Variants in ADNP observed in about 807,000 individuals in gnomAD.
ADNP encodes the protein activity dependent neuroprotector homeobox, also known as activity-dependent neuroprotector homeobox protein.
Under a neutral mutation model 84.9 loss-of-function variants are expected in ADNP, and 4 were observed. The observed-to-expected ratio is 0.05, with a 90% CI of 0.02 to 0.11. The LOEUF is 0.11. Ranked by LOEUF, ADNP falls within the 10% of genes least tolerant of loss-of-function variation. ADNP has a pLI of 1.00. For missense variants in ADNP, 1,132 were observed against 1,326.0 expected (o/e 0.85, Z 2.27); for synonymous variants, 554 against 468.1 (o/e 1.18, Z -2.37).
At position 50,889,593 on chromosome 20, in the gene ADNP, AG is replaced by A. The variant is rs1980440994; in HGVS notation, c.*1811del. The stretch of plus-strand genomic sequence containing the variant: ...ACTCTCTGGTAACAGCATTAACAAG[AG>A]TCTTTCTTTTGGAAACAGACTCAGA... On this transcript the variant is annotated 3_prime_UTR_variant, in exon 6 of 6. Coordinates refer to ENST00000621696, the MANE Select transcript of ADNP (RefSeq NM_001282531.3). 3.1e-6 allele frequency: 1 copy of A among 323,998 alleles called. No homozygotes were observed. Among genetic ancestry groups the A allele is most frequent in the East Asian group, 4.6e-5 (1 of 21,636 alleles). The allele number at this position is 323,998 out of a possible 1,614,324, so 20.1% of individuals were successfully genotyped here. A position where few individuals can be genotyped will look rare whatever the true frequency, so the allele number is the denominator to read the frequency against.
At position 50,889,934 on chromosome 20, in the gene ADNP, G is replaced by A. The variant is rs997849120; in HGVS notation, c.*1471C>T. On this transcript the variant is annotated 3_prime_UTR_variant, in exon 6 of 6. Coordinates refer to ENST00000621696, the MANE Select transcript of ADNP (RefSeq NM_001282531.3). ...GCACTACAGTTGTTCCCATCGTAAG[G>A]TGAAAACGAACGTTTAACTTCATCT... The A allele has an allele frequency of 2.5e-6, 1 of 395,928 alleles. No individual in the cohort carries two copies. The highest frequency in any genetic ancestry group is 4.4e-6 in the Non-Finnish European group (1 of 225,876). The allele number at this position is 395,928 out of a possible 1,614,324, so 24.5% of individuals were successfully genotyped here.
At chr20:50,905,047 T>C (rs1459319653) in intron 2 of ADNP, 198 bp from the exon 3 acceptor site, 1 of 151,944 alleles carries the variant, frequency 6.6e-6, no homozygotes, top group African/African-American at 2.4e-5. Context: ...TTGAAAAAAA[T>C]GAAAAGCCTG....
At position 50,931,038 on chromosome 20, in the gene ADNP, G is replaced by A. The variant is rs1389478859; in HGVS notation, c.-477C>T. ...CGGGCGCAGCAGAGCGGCGGGCGGC[G>A]GCGGCGTCGTCGAGCGGTGCAGACA... On this transcript the variant is annotated 5_prime_UTR_variant, in exon 1 of 6. Transcript: ENST00000621696. The A allele has an allele frequency of 1.3e-5, 2 of 148,400 alleles. No individual in the cohort carries two copies. The highest frequency in any genetic ancestry group is 2.5e-5 in the African/African-American group (1 of 40,782). The allele number at this position is 148,400 out of a possible 1,614,324, so 9.2% of individuals were successfully genotyped here.
chr20:50,899,295 C>A (rs917688885), intron 5 of ADNP, among the ~76,000 whole-genome samples: 1 of 151,486 alleles, frequency 6.6e-6, no homozygotes, highest in African/African-American at 2.4e-5. Flanking sequence ...CTCCCAGGTT[C>A]AAGCGATTCT....
chr20:50,897,926 G>C (rs527293099), intron 5 of ADNP, among the ~76,000 whole-genome samples: 1 of 152,210 alleles, frequency 6.6e-6, no homozygotes, highest in Non-Finnish European at 1.5e-5. Context: ...ATCTCCTGCA[G>C]TGCACTGGCC....
rs1980756481 is a variant in ADNP at position 50,891,726 on chromosome 20, C to T, written c.2988G>A (p.Trp996Ter). The change falls in exon 6 of 6, where the codon TGG becomes TGA. Residue 996 changes from tryptophan (W) to a stop codon, truncating the protein, a stop_gained. Transcript: ENST00000621696. LOFTEE classifies it high-confidence loss of function. ...CTTCGCTTTGGGAAGACTCGTCAGA[C>T]CAGGTTCCTGGTTTCATTTCGCAGG... The part of the protein sequence containing the change: ...DNTCEMKPGT[W>*]SDESSQSEDA... The T allele has an allele frequency of 6.2e-7, 1 of 1,614,074 alleles. No homozygotes were observed.
chr20:50,914,856 C>T (rs1038544017), intron 2 of ADNP, among the ~76,000 whole-genome samples: 1 of 152,220 alleles, frequency 6.6e-6, no homozygotes, highest in African/African-American at 2.4e-5. Flanking sequence ...TTGTTTTTTT[C>T]CCCAACCATG....
intron 5 of ADNP, among the ~76,000 whole-genome samples, chr20:50,896,588 T>C (rs954090155): frequency 6.6e-6 from 1 of 152,138 alleles, no homozygotes; most frequent in African/African-American, 2.4e-5. Flanking sequence ...TTAAAAACAT[T>C]TTTTTTCTTA....
intron 2 of ADNP, chr20:50,909,508 T>G (rs1316197203): frequency 2.0e-5 from 3 of 152,078 alleles, no homozygotes. Flanking sequence ...ACCTATATAT[T>G]GTTCATCTGT....
chr20:50,895,883 T>C (rs979489914), intron 5 of ADNP, among the ~76,000 whole-genome samples: 1 of 152,200 alleles, frequency 6.6e-6, no homozygotes, highest in Non-Finnish European at 1.5e-5. Flanking sequence ...TTATACACTT[T>C]TAAATTTTTA....
chr20:50,891,203 G>T lies in ADNP; in HGVS notation c.*202C>A. ...TATTGGTTTTTCACATTTAGTTACC[G>T]TGTCTGTCAGAGAAGGTTCTGAAGC... On this transcript the variant is annotated 3_prime_UTR_variant, in exon 6 of 6. Transcript: ENST00000621696. 1 of 1,316,894 alleles carries T rather than the reference G, an allele frequency of 7.6e-7. No homozygotes were observed. The highest frequency in any genetic ancestry group is 9.6e-7 in the Non-Finnish European group (1 of 1,038,316). The allele number at this position is 1,316,894 out of a possible 1,614,324, so 81.6% of individuals were successfully genotyped here. A position where few individuals can be genotyped will look rare whatever the true frequency, so the allele number is the denominator to read the frequency against.
At position 50,892,380 on chromosome 20, in the gene ADNP, C is replaced by T. The variant is rs1413553984; in HGVS notation, c.2334G>A (p.Gln778=). The change falls in exon 6 of 6, where the codon CAG becomes CAA. Residue 778 remains glutamine, a synonymous_variant. Coordinates refer to ENST00000621696, the MANE Select transcript of ADNP (RefSeq NM_001282531.3). ...KSFLTKYFNK[Q]PYPTRREIEK... Reference sequence around the variant, plus strand: ...CAATTTCTCTCCTGGTGGGATAGGGCTGTTTGTTGAAATACTTTGTTAGAA... The same window carrying T: ...CAATTTCTCTCCTGGTGGGATAGGGTTGTTTGTTGAAATACTTTGTTAGAA... 2 of 1,614,046 alleles carry T rather than the reference C, an allele frequency of 1.2e-6. No individual in the cohort carries two copies. Among genetic ancestry groups the T allele is most frequent in the African/African-American group, 1.3e-5 (1 of 74,912 alleles).
Position 50,891,780 on chromosome 20 carries a change from G to C in ADNP, c.2934C>G (p.Ser978=), listed in dbSNP as rs1398816224. The part of the protein sequence containing the change: ...GASPSESGPG[S]QQVSDFEDNT... ...TGTCCTCAAAGTCTGACACTTGTTG[G>C]GATCCAGGCCCACTCTCAGATGGAG... is the stretch of plus-strand genomic sequence containing the variant. Residue 978 remains serine, a synonymous_variant, in exon 6 of 6, where the codon TCC becomes TCG. Coordinates refer to ENST00000621696, the MANE Select transcript of ADNP (RefSeq NM_001282531.3). The C allele has an allele frequency of 3.7e-6, 6 of 1,614,060 alleles. No homozygotes were observed. The highest frequency in any genetic ancestry group is 1.6e-4 in the Middle Eastern group (1 of 6,062).
chr20:50,929,755 C>A (rs1430283587), intron 1 of ADNP, among the ~76,000 whole-genome samples: 1 of 151,710 alleles, frequency 6.6e-6, no homozygotes, highest in Non-Finnish European at 1.5e-5. Flanking sequence ...AAGATACAGG[C>A]ACAAGAAGCA....
intron 1 of ADNP, among the ~76,000 whole-genome samples, chr20:50,930,248 T>C (rs1984597182): frequency 6.6e-6 from 1 of 151,892 alleles, no homozygotes; most frequent in East Asian, 1.9e-4. Flanking sequence ...GGAAAAGGGA[T>C]GGTGGTGAAC....
intron 2 of ADNP, among the ~76,000 whole-genome samples, chr20:50,911,711 C>G (rs1040687011): frequency 1.3e-5 from 2 of 151,450 alleles, no homozygotes; most frequent in Non-Finnish European, 2.9e-5. Flanking sequence ...TGTATTTTTA[C>G]GGGCAGAAAA....
In ADNP at chr20:50,892,674, G is replaced by A; in HGVS notation, c.2040C>T (p.Ile680=). The change falls in exon 6 of 6, where the codon ATC becomes ATT. Residue 680 remains isoleucine, a synonymous_variant. Transcript: ENST00000621696. Reference sequence around the variant, plus strand: ...CCCTGCAGTGAACTAGATGCAGAGTGATAGTTGAGGCGGTCATGTTGCTGG... The same window carrying A: ...CCCTGCAGTGAACTAGATGCAGAGTAATAGTTGAGGCGGTCATGTTGCTGG... ...VYTSNMTAST[I]TLHLVHCRGV... is the part of the protein sequence containing the mutation. The A allele has an allele frequency of 1.9e-6, 3 of 1,614,230 alleles. No individual in the cohort carries two copies. The highest frequency in any genetic ancestry group is 2.5e-6 in the Non-Finnish European group (3 of 1,180,042).
intron 2 of ADNP, among the ~76,000 whole-genome samples, chr20:50,927,671 C>T (rs554269645): frequency 6.6e-6 from 1 of 152,092 alleles, no homozygotes; most frequent in South Asian, 2.1e-4. Context: ...TTTGGGATTA[C>T]AGGCGTAAGC....
intron 4 of ADNP, among the ~76,000 whole-genome samples, chr20:50,903,400 C>T (rs1982175346): frequency 6.6e-6 from 1 of 152,102 alleles, no homozygotes; most frequent in African/African-American, 2.4e-5. Context: ...ATGCTCAAAT[C>T]CTAAGGAAAG....
Sources: gnomAD v4.1 joint callset for allele counts (sites outside exome capture counted in the v4.1 genomes callset) on GRCh38, gnomAD v4.1.1 for gene constraint, MANE v1.5 for transcripts, NCBI Gene and HGNC (gene_info 2026-07-23, HGNC 2026-07-21) for gene names.